Variants in PIMREG observed in about 807,000 individuals in gnomAD.
PIMREG encodes protein PIMREG.
Under a neutral mutation model 24.3 loss-of-function variants are expected in PIMREG, and 19 were observed. That is an observed-to-expected ratio of 0.78 (90% confidence interval 0.54 to 1.15). PIMREG has a LOEUF of 1.15. Ranked by LOEUF, PIMREG falls within the 50% of genes most tolerant of loss-of-function variation. The pLI is 0.00. For synonymous variants in PIMREG, 112 were observed against 124.1 expected (o/e 0.90, Z 0.65); for missense variants, 283 against 306.8 (o/e 0.92, Z 0.58).
At chr17:6,448,653 G>A (rs1913685012) in intron 3 of PIMREG, among the ~76,000 whole-genome samples, 1 of 152,192 alleles carries the variant, frequency 6.6e-6, no homozygotes, top group South Asian at 2.1e-4. Context: ...GGCCTGCCTT[G>A]CAGAATCTTC....
In PIMREG at chr17:6,448,282, C is replaced by CAAA. The variant is rs71154695; in HGVS notation, c.590+542_590+544dup. Among the ~76,000 whole-genome samples the CAAA allele has an allele frequency of 6.9e-3, 286 of 41,300 alleles. 13 individuals carry two copies. Among genetic ancestry groups the CAAA allele is most frequent in the Admixed American group, 0.013 (33 of 2,518 alleles). 27.1% of individuals were successfully genotyped at this position (41,300 alleles called of 152,430 possible). On this transcript the variant is annotated intron_variant, in intron 3 of 5. Transcript: ENST00000572447. ...AGGGCCACAGAGCCAGACCCTGTCTCAAAAAAAAAAAAAAAAAAAAGAGAG... is the reference window on the plus strand; with the variant it reads ...AGGGCCACAGAGCCAGACCCTGTCTCAAAAAAAAAAAAAAAAAAAAAAAGAGAG...
At position 6,445,244 on chromosome 17, in the gene PIMREG, C is replaced by A; in HGVS notation, c.134C>A (p.Ser45Tyr). ...HQETSVGALG[S>Y]LCRQFQRRLP... ...GAGACCTCTGTAGGGGCCCTGGGGT[C>A]CCTGTGCAGACAGTTCCAAAGGAGG... is the stretch of plus-strand genomic sequence containing the variant. Residue 45 changes from serine (S) to tyrosine (Y), a missense_variant, in exon 2 of 6, where the codon TCC (serine) becomes TAC (tyrosine). Physicochemically the swap from Ser to Tyr is moderately radical, Grantham distance 144 (BLOSUM62 -2). Coordinates refer to ENST00000572447, the MANE Select transcript of PIMREG (RefSeq NM_019013.3). 1 of 1,613,764 alleles carries A rather than the reference C, an allele frequency of 6.2e-7. No individual in the cohort carries two copies. Among genetic ancestry groups the A allele is most frequent in the Non-Finnish European group, 8.5e-7 (1 of 1,179,964 alleles).
rs1286419022 is a variant in PIMREG, at chr17:6,444,804, G to T, written c.-35-272G>T. ...CTCGGCTACGGCGTGTCTTGACCCT[G>T]CCTCCCCTCCTCGCCTGAGCCAGAG... On this transcript the variant is annotated intron_variant, in intron 1 of 5. Coordinates refer to ENST00000572447, the MANE Select transcript of PIMREG (RefSeq NM_019013.3). This position sits in a 1 kb window ranked among gnomAD's most constrained non-coding sequence, Gnocchi z 4.3. 2.0e-5 allele frequency among the ~76,000 whole-genome samples: 3 copies of T among 149,922 alleles called. No individual in the cohort carries two copies. Among genetic ancestry groups the T allele is most frequent in the African/African-American group, 7.5e-5 (3 of 40,066 alleles).
intron 5 of PIMREG, 136 bp from the exon 6 acceptor site, chr17:6,450,226 C>T (rs1349615882): frequency 2.5e-5 from 28 of 1,104,452 alleles, no homozygotes; most frequent in Non-Finnish European, 2.4e-5. Context: ...CTCACTGACC[C>T]CGTCATTAAC....
intron 3 of PIMREG, among the ~76,000 whole-genome samples, chr17:6,448,080 T>C (rs1186689756): frequency 6.6e-5 from 10 of 151,910 alleles, no homozygotes; most frequent in Admixed American, 3.9e-4. Flanking sequence ...GGTCAGGAGT[T>C]GGAGACCAGT....
rs933307625 is a variant in PIMREG at position 6,449,371 on chromosome 17, C to T, written c.650C>T (p.Ser217Phe). 18 of 1,613,550 alleles carry T rather than the reference C, an allele frequency of 1.1e-5. No homozygotes were observed. Among genetic ancestry groups the T allele is most frequent in the African/African-American group, 1.3e-5 (1 of 74,898 alleles). ...GGAATTCAGCATCTCCAGAAGCTGT[C>T]CCAAGAGCTAGATGAAGCCATTATG... is the stretch of plus-strand genomic sequence containing the variant. ...GAGIQHLQKL[S>F]QELDEAIMAE... Residue 217 changes from serine (S) to phenylalanine (F), a missense_variant, in exon 4 of 6, where the codon TCC (serine) becomes TTC (phenylalanine). Ser to Phe is a radical substitution (Grantham distance 155). Coordinates refer to ENST00000572447, the MANE Select transcript of PIMREG (RefSeq NM_019013.3).
Position 6,449,401 on chromosome 17 carries a change from AAG to A in PIMREG, c.685_686del (p.Ser229TrpfsTer2). 6.2e-7 allele frequency: 1 copy of A among 1,612,750 alleles called. No individual in the cohort carries two copies. The highest frequency in any genetic ancestry group is 8.5e-7 in the Non-Finnish European group (1 of 1,179,458). On this transcript the variant is annotated frameshift_variant, in exon 4 of 6. Coordinates refer to ENST00000572447, the MANE Select transcript of PIMREG (RefSeq NM_019013.3). LOFTEE classifies it high-confidence loss of function. ...GAGCTAGATGAAGCCATTATGGCGG[AAG>A]AGAGGTGAGTTGGCATCCCATGCTT...
chr17:6,445,787 G>T lies in PIMREG; in HGVS notation c.294+383G>T, dbSNP rs141030894. 3.4e-3 allele frequency among the ~76,000 whole-genome samples: 512 copies of T among 152,300 alleles called. 1 individual carries two copies. Among genetic ancestry groups the T allele is most frequent in the Non-Finnish European group, 5.8e-3 (393 of 68,028 alleles). On this transcript the variant is annotated intron_variant, in intron 2 of 5. Coordinates refer to ENST00000572447, the MANE Select transcript of PIMREG (RefSeq NM_019013.3). ...AAGGTCAAGGGGTATTTAGGGTAGGGGAAATAGTGCAAGTCCAGGCCTAGA... is the reference window on the plus strand; with the variant it reads ...AAGGTCAAGGGGTATTTAGGGTAGGTGAAATAGTGCAAGTCCAGGCCTAGA...
At chr17:6,448,958 T>C (rs907801510) in intron 3 of PIMREG, among the ~76,000 whole-genome samples, 11 of 152,226 alleles carry the variant, frequency 7.2e-5, no homozygotes, top group African/African-American at 2.7e-4. Context: ...GAAAATCCTT[T>C]AGGACCTTAG....
At chr17:6,450,269 C>G in intron 5 of PIMREG, 93 bp from the exon 6 acceptor site, 1 of 1,285,464 alleles carries the variant, frequency 7.8e-7, no homozygotes, top group Non-Finnish European at 1.1e-6. Context: ...GCTACAGCCA[C>G]CTTCCAGCAC....
intron 3 of PIMREG, 93 bp downstream of exon 3, chr17:6,447,851 A>G (rs188898430): frequency 2.8e-6 from 4 of 1,405,230 alleles, no homozygotes; most frequent in Non-Finnish European, 3.8e-6. Flanking sequence ...ACTGGGCCCT[A>G]GGGGTTTCTT....
chr17:6,445,094 G>C lies in PIMREG; in HGVS notation c.-17G>C. ...TCCCCAGGGTCTAGTGGACAGAGAAGACTCTTGGCCAGGCAGATGGCTTCT... is the reference window on the plus strand; with the variant it reads ...TCCCCAGGGTCTAGTGGACAGAGAACACTCTTGGCCAGGCAGATGGCTTCT... On this transcript the variant is annotated 5_prime_UTR_variant, in exon 2 of 6. Coordinates refer to ENST00000572447, the MANE Select transcript of PIMREG (RefSeq NM_019013.3). The C allele has an allele frequency of 6.4e-7, 1 of 1,569,992 alleles. No homozygotes were observed. The highest frequency in any genetic ancestry group is 8.6e-7 in the Non-Finnish European group (1 of 1,158,372).
chr17:6,447,565 A>C lies in PIMREG; in HGVS notation c.397A>C (p.Thr133Pro), dbSNP rs139220217. 8 of 1,613,898 alleles carry C rather than the reference A, an allele frequency of 5.0e-6. No individual in the cohort carries two copies. Among genetic ancestry groups the C allele is most frequent in the Non-Finnish European group, 6.8e-6 (8 of 1,179,994 alleles). The change falls in exon 3 of 6, where the codon ACT (threonine) becomes CCT (proline). Residue 133 changes from threonine (T) to proline (P), a missense_variant. Transcript: ENST00000572447. ...AGCACAGAAGGGCAGTGGATCCCCA[A>C]CTCACAGCCTGAGCCAGAAGAGCAC... ...RGAQKGSGSP[T>P]HSLSQKSTRL...
At chr17:6,450,181 G>GTAC in intron 5 of PIMREG, 109 bp downstream of exon 5, 2 of 1,239,248 alleles carry the variant, frequency 1.6e-6, no homozygotes, top group Non-Finnish European at 2.4e-6. Context: ...AGAGTAGGTA[G>GTAC]TACCTACTTG....
At position 6,447,783 on chromosome 17, in the gene PIMREG, G is replaced by C. The variant is rs199975875; in HGVS notation, c.590+25G>C. Reference sequence around the variant, plus strand: ...GGCAAGTGGGATAGTGCTTCACCCCGGGGCTGGTGGCCTTTTAACCTGGGC... The same window carrying C: ...GGCAAGTGGGATAGTGCTTCACCCCCGGGCTGGTGGCCTTTTAACCTGGGC... On this transcript the variant is annotated intron_variant, in intron 3 of 5. Transcript: ENST00000572447. 8 of 1,563,940 alleles carry C rather than the reference G, an allele frequency of 5.1e-6. No homozygotes were observed. In the African/African-American group the frequency reaches 9.5e-5, roughly 19 times the overall value.
At chr17:6,447,312 C>T in intron 2 of PIMREG, 151 bp from the exon 3 acceptor site, 3 of 818,194 alleles carry the variant, frequency 3.7e-6, no homozygotes, top group Non-Finnish European at 5.9e-6. Context: ...AATGGGGTTA[C>T]ACCATGTTGG....
chr17:6,447,197 C>T (rs1414097235), intron 2 of PIMREG: 6 of 381,456 alleles, frequency 1.6e-5, no homozygotes, highest in Non-Finnish European at 2.4e-5. Context: ...CTGCAACCTC[C>T]GCCTCCCGGG....
intron 3 of PIMREG, among the ~76,000 whole-genome samples, 196 bp from the exon 4 acceptor site, chr17:6,449,116 C>T (rs9899678): frequency 0.073 from 11,176 of 152,194 alleles, 897 homozygotes; most frequent in African/African-American, 0.2. Context: ...ATCACTTGCC[C>T]GTGACCTTGG....
rs74347200 is a variant in PIMREG at position 6,449,599 on chromosome 17, T to C, written c.686+192T>C. 1,524 of 1,108,822 alleles carry C rather than the reference T, an allele frequency of 1.4e-3. 36 individuals are homozygous for C. The East Asian group carries it at 0.036, about 26-fold the overall frequency. The allele number at this position is 1,108,822 out of a possible 1,614,324, so 68.7% of individuals were successfully genotyped here. A position where few individuals can be genotyped will look rare whatever the true frequency, so the allele number is the denominator to read the frequency against. ...CCTGGACTGGGGTGATGGTAAAGGA[T>C]GTAGCCTGAATGTGTGTGGTCTTCT... On this transcript the variant is annotated intron_variant, in intron 4 of 5. Coordinates refer to ENST00000572447, the MANE Select transcript of PIMREG (RefSeq NM_019013.3).
Sources: gnomAD v4.1 joint callset for allele counts (sites outside exome capture counted in the v4.1 genomes callset) on GRCh38, gnomAD v4.1.1 for gene constraint, Gnocchi (gnomAD v3.1) non-coding constraint, MANE v1.5 for transcripts, NCBI Gene and HGNC (gene_info 2026-07-23, HGNC 2026-07-21) for gene names.